TBC1D5: variants seen among roughly 807,000 people sequenced by gnomAD.
TBC1D5 encodes the protein TBC1 domain family, member 5.
Under a neutral mutation model 100.3 loss-of-function variants are expected in TBC1D5, and 75 were observed. The ratio of observed to expected loss-of-function variants is 0.75; its 90% CI spans 0.62 to 0.91. The LOEUF is 0.91. TBC1D5 is among the 40% of genes least tolerant of loss of function. The probability of loss-of-function intolerance (pLI) is 0.00; values close to 1 mark genes in which losing one functional copy is unlikely to be tolerated. For missense variants in TBC1D5, 910 were observed against 942.4 expected, an observed-to-expected ratio of 0.97 and a Z score of 0.45; for synonymous variants, 323 against 325.6, an observed-to-expected ratio of 0.99 and a Z score of 0.09.
chr3:17,225,958 T>C (rs1483325224), intron 17 of TBC1D5, among the ~76,000 whole-genome samples: 1 of 151,984 alleles, frequency 6.6e-6, no homozygotes, highest in Non-Finnish European at 1.5e-5. Flanking sequence ...GAAAACCCTA[T>C]ACCATTTTAT....
chr3:17,606,141 C>T (rs116653565), intron 2 of TBC1D5, among the ~76,000 whole-genome samples: 1,691 of 152,242 alleles, frequency 0.011, 25 homozygotes, highest in African/African-American at 0.038. Flanking sequence ...AAAATATTTT[C>T]ACCACAAGTA....
intron 2 of TBC1D5, among the ~76,000 whole-genome samples, chr3:17,536,348 T>A (rs552230238): frequency 1.3e-5 from 2 of 152,328 alleles, no homozygotes; most frequent in South Asian, 4.1e-4. Flanking sequence ...AAAATAGCCA[T>A]CAAAATTAGA....
At chr3:17,226,713 G>T (rs537958713) in intron 17 of TBC1D5, among the ~76,000 whole-genome samples, 13 of 152,274 alleles carry the variant, frequency 8.5e-5, no homozygotes, top group Non-Finnish European at 1.5e-4. Flanking sequence ...CCCTGCCAGT[G>T]TTGCTTCTTT....
At chr3:17,505,707 G>A (rs1224230350) in intron 3 of TBC1D5, among the ~76,000 whole-genome samples, 1 of 152,036 alleles carries the variant, frequency 6.6e-6, no homozygotes, top group Non-Finnish European at 1.5e-5. Flanking sequence ...GTCATTAAAG[G>A]TTAAGAGCAA....
rs192202921 is a variant in TBC1D5, at chr3:17,524,361, C to G, written c.-35-15756G>C. 9.2e-4 allele frequency among the ~76,000 whole-genome samples: 140 copies of G among 152,270 alleles called. 1 individual carries two copies. Among genetic ancestry groups the G allele is most frequent in the Admixed American group, 8.6e-3 (132 of 15,286 alleles). ...AAGTGCAAGTTTAGGAAGGCAATAA[C>G]TATCAAAATTACTAATGCATCTAAC... On this transcript the variant is annotated intron_variant, in intron 2 of 21. Coordinates refer to ENST00000253692, the Ensembl canonical transcript of TBC1D5.
intron 17 of TBC1D5, 28 bp from the exon 19 acceptor site, chr3:17,214,398 G>A (rs1559423219): frequency 6.2e-7 from 1 of 1,600,916 alleles, no homozygotes; most frequent in Non-Finnish European, 8.5e-7. Context: ...TAGCAATAAT[G>A]AAACACCAGA....
chr3:17,741,124 T>C (rs1225993563), upstream of TBC1D5, among the ~76,000 whole-genome samples: 1 of 152,250 alleles, frequency 6.6e-6, no homozygotes, highest in Admixed American at 6.5e-5. Context: ...ACTTCCTTGC[T>C]ACTCAAAGAT....
intron 3 of TBC1D5, among the ~76,000 whole-genome samples, chr3:17,455,141 T>A (rs1576071615): frequency 7.0e-6 from 1 of 143,380 alleles, no homozygotes; most frequent in East Asian, 2.0e-4. Context: ...ACCAAAGCTA[T>A]CCTAAGCCAA....
intron 18 of TBC1D5, among the ~76,000 whole-genome samples, chr3:17,194,895 A>T (rs1331850320): frequency 6.6e-6 from 1 of 152,244 alleles, no homozygotes; most frequent in African/African-American, 2.4e-5. Context: ...AAACAGGATC[A>T]TGTGCTACAA....
At chr3:17,504,843 AAAC>A (rs1261270653) in intron 3 of TBC1D5, among the ~76,000 whole-genome samples, 1 of 152,238 alleles carries the variant, frequency 6.6e-6, no homozygotes, top group African/African-American at 2.4e-5. Flanking sequence ...ACTATATGGA[AAAC>A]AACACTAAAG....
intron 3 of TBC1D5, among the ~76,000 whole-genome samples, chr3:17,486,321 G>A (rs917620416): frequency 1.3e-5 from 2 of 152,122 alleles, no homozygotes; most frequent in Admixed American, 6.5e-5. Flanking sequence ...TTCATTTGCT[G>A]TGCAGAAGCT....
intron 9 of TBC1D5, among the ~76,000 whole-genome samples, chr3:17,378,293 G>A (rs940066603): frequency 1.3e-5 from 2 of 151,724 alleles, no homozygotes; most frequent in African/African-American, 2.4e-5. Flanking sequence ...AAAAATATGT[G>A]TTAAAGTCTG....
At chr3:17,395,329 A>G (rs906066719) in intron 8 of TBC1D5, among the ~76,000 whole-genome samples, 1 of 152,166 alleles carries the variant, frequency 6.6e-6, no homozygotes, top group South Asian at 2.1e-4. Flanking sequence ...GTAGGTAGAT[A>G]CACTGTATAT....
intron 9 of TBC1D5, among the ~76,000 whole-genome samples, chr3:17,377,501 TGA>T (rs2092756434): frequency 6.6e-6 from 1 of 152,098 alleles, no homozygotes; most frequent in South Asian, 2.1e-4. Context: ...TCTCTTAAAG[TGA>T]GCAAATTACT....
chr3:17,257,633 A>G (rs1397001876), intron 16 of TBC1D5, among the ~76,000 whole-genome samples: 1 of 152,224 alleles, frequency 6.6e-6, no homozygotes, highest in Admixed American at 6.5e-5. Context: ...GTTTAAATTT[A>G]GCCATTTTGT....
chr3:17,296,899 G>C (rs1272528372), intron 14 of TBC1D5, among the ~76,000 whole-genome samples: 2 of 152,230 alleles, frequency 1.3e-5, no homozygotes, highest in African/African-American at 4.8e-5. Flanking sequence ...ATTCAGAGTA[G>C]TTCACTGTTT....
chr3:17,581,422 G>C (rs964940294), intron 2 of TBC1D5, among the ~76,000 whole-genome samples: 1 of 151,908 alleles, frequency 6.6e-6, no homozygotes, highest in African/African-American at 2.4e-5. Flanking sequence ...CTGCCTCCTT[G>C]ACCTCTCTAC....
chr3:17,190,342 A>G (rs1442380651), intron 18 of TBC1D5, among the ~76,000 whole-genome samples: 1 of 152,212 alleles, frequency 6.6e-6, no homozygotes, highest in Non-Finnish European at 1.5e-5. Flanking sequence ...AATTCTGGAA[A>G]GGGAAGATGA....
At chr3:17,570,126 T>C (rs781202067) in intron 2 of TBC1D5, among the ~76,000 whole-genome samples, 7 of 152,002 alleles carry the variant, frequency 4.6e-5, no homozygotes, top group Non-Finnish European at 7.4e-5. Flanking sequence ...ATACAGACTC[T>C]GTAAGTGGAG....
Sources: allele counts gnomAD v4.1 joint callset (sites outside exome capture counted in the v4.1 genomes callset), GRCh38; gene constraint gnomAD v4.1.1; transcripts MANE v1.5; gene names NCBI Gene and HGNC (gene_info 2026-07-23, HGNC 2026-07-21).